CCDC7: variants seen among roughly 807,000 people sequenced by gnomAD.
CCDC7 encodes coiled-coil domain-containing protein 7.
In CCDC7, 183 loss-of-function variants were observed where a neutral mutation model predicts 196.9. The ratio of observed to expected loss-of-function variants is 0.93; its 90% CI spans 0.82 to 1.05. CCDC7 has a LOEUF of 1.05. CCDC7 is among the 50% of genes least tolerant of loss of function. The pLI is 0.00. For missense variants in CCDC7, 1,540 were observed against 1,482.2 expected (o/e 1.04, Z -0.64); for synonymous variants, 525 against 484.6 (o/e 1.08, Z -1.10).
At chr10:32,451,442 C>A, upstream of CCDC7, 1 of 590,246 alleles carries the variant, frequency 1.7e-6, no homozygotes, top group Non-Finnish European at 2.6e-6. Context: ...GTTACTGTGA[C>A]TCAAAAAAGC....
chr10:32,820,171 A>G (rs2135560134), intron 31 of CCDC7, among the ~76,000 whole-genome samples: 1 of 152,128 alleles, frequency 6.6e-6, no homozygotes, highest in East Asian at 1.9e-4. Context: ...ATACACCAAT[A>G]ACAGACAGAA....
chr10:32,780,986 C>G (rs1250231944), intron 29 of CCDC7, among the ~76,000 whole-genome samples: 3 of 152,052 alleles, frequency 2.0e-5, no homozygotes, highest in African/African-American at 7.2e-5. Flanking sequence ...GGGAACATTA[C>G]AACCAATTTT....
At chr10:32,558,684 G>A (rs1395817070) in intron 13 of CCDC7, among the ~76,000 whole-genome samples, 2 of 152,200 alleles carry the variant, frequency 1.3e-5, no homozygotes, top group South Asian at 2.1e-4. Flanking sequence ...CTATGAGGGA[G>A]CAGCCAAGAT....
chr10:32,516,711 C>G lies in CCDC7; in HGVS notation c.873-1234C>G, dbSNP rs1445229523. Among the ~76,000 whole-genome samples, 3 of 152,176 alleles carry G rather than the reference C, an allele frequency of 2.0e-5. No homozygotes were observed. The East Asian group carries it at 5.8e-4, about 29-fold the overall frequency. ...AAGTATGTAGAGAGATTGGGAACCTCATAATGGGAATTTAAATTATGTATC... is the reference window on the plus strand; with the variant it reads ...AAGTATGTAGAGAGATTGGGAACCTGATAATGGGAATTTAAATTATGTATC... On this transcript the variant is annotated intron_variant, in intron 9 of 41. Coordinates refer to ENST00000639629, the Ensembl canonical transcript of CCDC7.
rs537665156 is a variant in CCDC7 at position 32,566,698 on chromosome 10, G to A, written c.1198-972G>A. On this transcript the variant is annotated intron_variant, in intron 14 of 41. Transcript: ENST00000639629. ...GGCCAAGGCCGGTGGATCACTTTGA[G>A]CCCAAGAATTTGCGAACAGCCTGGG... 7.3e-5 allele frequency among the ~76,000 whole-genome samples: 11 copies of A among 151,650 alleles called. 1 individual carries two copies. In the South Asian group the frequency reaches 2.3e-3, roughly 31 times the overall value.
intron 8 of CCDC7, among the ~76,000 whole-genome samples, chr10:32,490,407 C>T (rs899301715): frequency 1.3e-5 from 2 of 152,102 alleles, no homozygotes; most frequent in Non-Finnish European, 2.9e-5. Context: ...CAAATTGTGG[C>T]TGAAATAATA....
intron 18 of CCDC7, among the ~76,000 whole-genome samples, chr10:32,616,188 T>C (rs74483148): frequency 0.076 from 11,532 of 152,130 alleles, 529 homozygotes; most frequent in East Asian, 0.16. Context: ...TTTTATCGAA[T>C]TCTATGAAAA....
intron 23 of CCDC7, among the ~76,000 whole-genome samples, chr10:32,694,310 G>A (rs1229502105): frequency 1.3e-5 from 2 of 151,894 alleles, no homozygotes; most frequent in Admixed American, 1.3e-4. Context: ...AAGTGTTTTG[G>A]GTCTTTATTT....
intron 20 of CCDC7, among the ~76,000 whole-genome samples, chr10:32,662,831 A>G (rs748259051): frequency 2.0e-5 from 3 of 152,200 alleles, no homozygotes; most frequent in Non-Finnish European, 4.4e-5. Context: ...AAATGAACCT[A>G]GGTCTGAGTT....
At chr10:32,686,383 A>G (rs1228393230) in intron 22 of CCDC7, among the ~76,000 whole-genome samples, 4 of 152,210 alleles carry the variant, frequency 2.6e-5, no homozygotes, top group Admixed American at 2.6e-4. Flanking sequence ...TTACAGGTCC[A>G]AAAGCCCAAT....
intron 28 of CCDC7, among the ~76,000 whole-genome samples, chr10:32,759,319 C>T (rs1345621382): frequency 6.6e-6 from 1 of 152,292 alleles, no homozygotes; most frequent in Admixed American, 6.5e-5. Context: ...AAGCTGGAGG[C>T]ATCACGCTAC....
At chr10:32,880,067 A>C (rs961043263), downstream of CCDC7, among the ~76,000 whole-genome samples, 1 of 152,214 alleles carries the variant, frequency 6.6e-6, no homozygotes, top group East Asian at 1.9e-4. Flanking sequence ...GTATATACCC[A>C]GTAATGGGAT....
At chr10:32,801,047 C>T (rs982762039) in intron 29 of CCDC7, among the ~76,000 whole-genome samples, 1 of 152,164 alleles carries the variant, frequency 6.6e-6, no homozygotes, top group African/African-American at 2.4e-5. Context: ...ACCGCTTGGC[C>T]TCTGCCATCT....
chr10:32,852,565 C>T (rs2093604149), intron 40 of CCDC7, among the ~76,000 whole-genome samples: 1 of 152,100 alleles, frequency 6.6e-6, no homozygotes, highest in African/African-American at 2.4e-5. Flanking sequence ...TCACTGCAAC[C>T]TCCACCTTCT....
At chr10:32,882,425 A>G (rs912802397) in intron 22 of CCDC7, among the ~76,000 whole-genome samples, 2 of 152,192 alleles carry the variant, frequency 1.3e-5, no homozygotes, top group Non-Finnish European at 2.9e-5. Context: ...CTAGTTGAGA[A>G]GAGGGCGTAG....
chr10:32,661,203 CA>C (rs1215027653), intron 20 of CCDC7, among the ~76,000 whole-genome samples: 5 of 150,172 alleles, frequency 3.3e-5, no homozygotes, highest in African/African-American at 9.8e-5. Flanking sequence ...TTTATGCAGC[CA>C]AAAAACACAT....
chr10:32,560,722 A>G (rs1350692255), intron 13 of CCDC7, among the ~76,000 whole-genome samples: 2 of 152,264 alleles, frequency 1.3e-5, no homozygotes, highest in African/African-American at 4.8e-5. Context: ...AAAACATGCC[A>G]AATTGTAAAG....
intron 28 of CCDC7, among the ~76,000 whole-genome samples, chr10:32,741,361 A>C (rs1335995534): frequency 1.3e-5 from 2 of 152,204 alleles, no homozygotes; most frequent in African/African-American, 4.8e-5. Context: ...AATCTTTTCA[A>C]TTAAAATTAG....
chr10:32,853,317 TG>T (rs1365504123), intron 40 of CCDC7, among the ~76,000 whole-genome samples: 1 of 152,180 alleles, frequency 6.6e-6, no homozygotes, highest in Non-Finnish European at 1.5e-5. Context: ...GGAATAATAA[TG>T]GTCTTCTCTT....
Sources: allele counts gnomAD v4.1 joint callset (sites outside exome capture counted in the v4.1 genomes callset), GRCh38; gene constraint gnomAD v4.1.1; transcripts MANE v1.5; gene names NCBI Gene and HGNC (gene_info 2026-07-23, HGNC 2026-07-21).